The following DPP10 variants were observed in gnomAD, a reference collection of about 807,000 sequenced individuals.
DPP10 encodes the protein inactive dipeptidyl peptidase 10.
Under a neutral mutation model 120.9 loss-of-function variants are expected in DPP10, and 33 were observed. The observed-to-expected ratio is 0.27, with a 90% CI of 0.21 to 0.37. DPP10 has a LOEUF of 0.37. Ranked by LOEUF, DPP10 falls within the 10% of genes least tolerant of loss-of-function variation. The probability of loss-of-function intolerance (pLI) is 1.00; values close to 1 mark genes in which losing one functional copy is unlikely to be tolerated. For missense variants in DPP10, 816 were observed against 942.8 expected (o/e 0.87, Z 1.76); for synonymous variants, 337 against 326.1 (o/e 1.03, Z -0.36).
At chr2:114,594,805 A>G (rs1322836169) in intron 1 of DPP10, among the ~76,000 whole-genome samples, 7 of 151,488 alleles carry the variant, frequency 4.6e-5, no homozygotes, top group Non-Finnish European at 8.8e-5. Context: ...CATTTTCCTA[A>G]CCACCTGCTG....
intron 17 of DPP10, among the ~76,000 whole-genome samples, chr2:115,784,997 C>T (rs1182791028): frequency 6.6e-6 from 1 of 152,088 alleles, no homozygotes; most frequent in Non-Finnish European, 1.5e-5. Flanking sequence ...TACTCAGTGC[C>T]CTGGGCATCT....
At chr2:114,677,119 G>A (rs1268216429) in intron 1 of DPP10, among the ~76,000 whole-genome samples, 1 of 151,990 alleles carries the variant, frequency 6.6e-6, no homozygotes, top group Non-Finnish European at 1.5e-5. Flanking sequence ...GCTTCCTACC[G>A]CCTCCTTCAG....
At chr2:114,548,456 C>T (rs1472040210) in intron 1 of DPP10, among the ~76,000 whole-genome samples, 2 of 152,156 alleles carry the variant, frequency 1.3e-5, no homozygotes, top group Non-Finnish European at 2.9e-5. Context: ...CACTTGCCTC[C>T]TCTCCTCCCC....
At chr2:115,170,619 A>G (rs749025950) in intron 1 of DPP10, among the ~76,000 whole-genome samples, 1 of 152,212 alleles carries the variant, frequency 6.6e-6, no homozygotes, top group Non-Finnish European at 1.5e-5. Flanking sequence ...TTAGAGTACT[A>G]TAAAACATAA....
intron 5 of DPP10, among the ~76,000 whole-genome samples, chr2:115,597,188 A>G (rs958023841): frequency 2.6e-5 from 4 of 152,120 alleles, no homozygotes; most frequent in Non-Finnish European, 5.9e-5. Context: ...CACTGTGAGG[A>G]CATTCCCTGG....
chr2:114,826,653 C>G (rs1686569309), intron 1 of DPP10, among the ~76,000 whole-genome samples: 1 of 152,132 alleles, frequency 6.6e-6, no homozygotes. Flanking sequence ...GCCTCAGCCT[C>G]CCAGCTAGCT....
chr2:115,588,822 C>G (rs1429712205), intron 5 of DPP10, among the ~76,000 whole-genome samples: 2 of 152,142 alleles, frequency 1.3e-5, no homozygotes, highest in Admixed American at 6.5e-5. Context: ...GCAGGAATTT[C>G]CATGCTCAAG....
chr2:115,222,884 A>G (rs1478173296), intron 1 of DPP10, among the ~76,000 whole-genome samples: 1 of 152,108 alleles, frequency 6.6e-6, no homozygotes, highest in African/African-American at 2.4e-5. Context: ...TCTAAAGAGC[A>G]TTATTAAAAA....
At chr2:115,387,974 C>T (rs1320341215) in intron 3 of DPP10, among the ~76,000 whole-genome samples, 1 of 152,102 alleles carries the variant, frequency 6.6e-6, no homozygotes, top group East Asian at 1.9e-4. Context: ...CTCTGGTGAC[C>T]AAGTGACATT....
intron 3 of DPP10, among the ~76,000 whole-genome samples, chr2:115,450,462 A>AT (rs1433625872): frequency 2.0e-5 from 3 of 151,894 alleles, no homozygotes; most frequent in Admixed American, 6.6e-5. Flanking sequence ...CTCAACTGAG[A>AT]TTTTTTTATT....
intron 1 of DPP10, among the ~76,000 whole-genome samples, chr2:114,836,471 A>C (rs1687746348): frequency 6.6e-6 from 1 of 152,178 alleles, no homozygotes; most frequent in Admixed American, 6.5e-5. Flanking sequence ...AGTTTTTATT[A>C]GTGATTTTCA....
At chr2:115,116,383 C>T (rs1235944387) in intron 1 of DPP10, among the ~76,000 whole-genome samples, 1 of 152,080 alleles carries the variant, frequency 6.6e-6, no homozygotes, top group Non-Finnish European at 1.5e-5. Flanking sequence ...CATCTATAAC[C>T]TCTATTTATC....
At chr2:114,988,650 A>T (rs1257143394) in intron 1 of DPP10, among the ~76,000 whole-genome samples, 3 of 152,170 alleles carry the variant, frequency 2.0e-5, no homozygotes, top group Non-Finnish European at 4.4e-5. Flanking sequence ...ACAATTTATC[A>T]TCAATATGAT....
At chr2:115,167,604 CAAA>C (rs59031977) in intron 1 of DPP10, among the ~76,000 whole-genome samples, 27 of 48,530 alleles carry the variant, frequency 5.6e-4, no homozygotes, top group African/African-American at 1.4e-3. Flanking sequence ...GAGACCGTCT[CAAA>C]AAAAAAAAAA....
At chr2:115,419,752 C>T (rs145996989) in intron 3 of DPP10, among the ~76,000 whole-genome samples, 1 of 151,944 alleles carries the variant, frequency 6.6e-6, no homozygotes, top group Non-Finnish European at 1.5e-5. Context: ...CAATTTTACC[C>T]CAAAACTGTG....
intron 1 of DPP10, among the ~76,000 whole-genome samples, chr2:115,292,171 GC>G (rs2060683909): frequency 6.6e-6 from 1 of 151,996 alleles, no homozygotes. Context: ...TGCTCTTTAA[GC>G]CAGTATTCAC....
At chr2:115,665,650 C>T (rs1266514088) in intron 5 of DPP10, among the ~76,000 whole-genome samples, 2 of 152,032 alleles carry the variant, frequency 1.3e-5, no homozygotes, top group Non-Finnish European at 2.9e-5. Context: ...TATATTTTAC[C>T]CCACTCTAAC....
At chr2:115,015,395 T>A (rs2105124032) in intron 1 of DPP10, among the ~76,000 whole-genome samples, 1 of 152,272 alleles carries the variant, frequency 6.6e-6, no homozygotes, top group Middle Eastern at 3.4e-3. Flanking sequence ...GCCTATATCA[T>A]ACTGAATGGG....
chr2:114,779,918 C>T (rs1036803938), intron 1 of DPP10, among the ~76,000 whole-genome samples: 6 of 151,976 alleles, frequency 3.9e-5, no homozygotes, highest in Non-Finnish European at 4.4e-5. Flanking sequence ...GGGCGGATCA[C>T]GAGGTCAGGA....
Sources: allele counts gnomAD v4.1 joint callset (sites outside exome capture counted in the v4.1 genomes callset), GRCh38; gene constraint gnomAD v4.1.1; transcripts MANE v1.5; gene names NCBI Gene and HGNC (gene_info 2026-07-23, HGNC 2026-07-21).